Variants in LRRTM4 observed in about 807,000 individuals in gnomAD.
The protein encoded by LRRTM4 is leucine-rich repeat transmembrane neuronal protein 4.
LRRTM4 carries 25 observed loss-of-function variants against 47.6 expected under a neutral mutation model. That is an observed-to-expected ratio of 0.53 (90% CI 0.38 to 0.73). LRRTM4 has a LOEUF of 0.73. LRRTM4 is among the 30% of genes least tolerant of loss of function. The pLI is 0.00. For missense variants in LRRTM4, 638 were observed against 713.4 expected (o/e 0.89, Z 1.20); for synonymous variants, 311 against 269.5 (o/e 1.15, Z -1.51).
chr2:76,917,914 A>G (rs1444444006), intron 3 of LRRTM4, among the ~76,000 whole-genome samples: 6 of 151,994 alleles, frequency 3.9e-5, no homozygotes, highest in Non-Finnish European at 8.8e-5. Flanking sequence ...CTCTTTTTAT[A>G]GTGGTATGGG....
intron 3 of LRRTM4, among the ~76,000 whole-genome samples, chr2:76,763,658 G>A (rs1673345414): frequency 6.6e-6 from 1 of 152,192 alleles, no homozygotes; most frequent in Non-Finnish European, 1.5e-5. Flanking sequence ...CCAAGAAATA[G>A]CTAAAAATGT....
At chr2:76,905,716 C>A (rs1013084508) in intron 3 of LRRTM4, among the ~76,000 whole-genome samples, 1 of 148,546 alleles carries the variant, frequency 6.7e-6, no homozygotes, top group African/African-American at 2.5e-5. Context: ...CCTCAGGAGC[C>A]GATGCGATCA....
intron 3 of LRRTM4, among the ~76,000 whole-genome samples, chr2:76,874,365 T>C (rs903408393): frequency 2.0e-5 from 3 of 152,134 alleles, no homozygotes; most frequent in South Asian, 4.1e-4. Flanking sequence ...ATTCTATGGC[T>C]ATACTGTAAT....
At chr2:77,095,980 A>C (rs1195661421) in intron 3 of LRRTM4, among the ~76,000 whole-genome samples, 1 of 152,194 alleles carries the variant, frequency 6.6e-6, no homozygotes, top group Non-Finnish European at 1.5e-5. Flanking sequence ...AGTTAATAAT[A>C]ATGTATTCTA....
At chr2:77,342,127 A>T (rs1206480791) in intron 3 of LRRTM4, among the ~76,000 whole-genome samples, 1 of 151,952 alleles carries the variant, frequency 6.6e-6, no homozygotes, top group Non-Finnish European at 1.5e-5. Context: ...TCTGCTATGA[A>T]GTTATAGTAT....
At chr2:77,234,552 C>T (rs1317468828) in intron 3 of LRRTM4, among the ~76,000 whole-genome samples, 3 of 152,044 alleles carry the variant, frequency 2.0e-5, no homozygotes, top group Non-Finnish European at 2.9e-5. Context: ...TAATTATATG[C>T]TAAAATTTGT....
At chr2:77,118,679 T>G (rs1671451176) in intron 3 of LRRTM4, among the ~76,000 whole-genome samples, 1 of 151,864 alleles carries the variant, frequency 6.6e-6, no homozygotes, top group African/African-American at 2.4e-5. Flanking sequence ...GCAGCAAGCC[T>G]TAGAGATTAA....
intron 3 of LRRTM4, among the ~76,000 whole-genome samples, chr2:77,199,444 T>A (rs1241673241): frequency 6.6e-6 from 1 of 152,160 alleles, no homozygotes; most frequent in Admixed American, 6.6e-5. Context: ...TGCCCTCTTA[T>A]TGGTAGATTC....
chr2:77,033,933 G>A (rs968277804), intron 3 of LRRTM4, among the ~76,000 whole-genome samples: 2 of 151,720 alleles, frequency 1.3e-5, no homozygotes, highest in African/African-American at 2.4e-5. Flanking sequence ...CGAGCTGTAA[G>A]CAAAGGACCA....
At chr2:76,773,480 A>G (rs913663100) in intron 3 of LRRTM4, among the ~76,000 whole-genome samples, 1 of 152,344 alleles carries the variant, frequency 6.6e-6, no homozygotes, top group East Asian at 1.9e-4. Flanking sequence ...TGCAGTATAT[A>G]TGTGAAAAAG....
intron 3 of LRRTM4, among the ~76,000 whole-genome samples, chr2:77,119,779 A>T (rs1351404737): frequency 6.6e-6 from 1 of 151,840 alleles, no homozygotes; most frequent in Non-Finnish European, 1.5e-5. Context: ...ATATCACTAC[A>T]TATCACTATT....
chr2:77,214,192 G>T (rs1674374314), intron 3 of LRRTM4, among the ~76,000 whole-genome samples: 1 of 152,114 alleles, frequency 6.6e-6, no homozygotes. Context: ...ACATGCAAAT[G>T]AAGTCATAGA....
chr2:76,992,172 C>G lies in LRRTM4; in HGVS notation c.1552-243256G>C, dbSNP rs374793098. ...GAGCTATCTATGAAAAACCAACAGC[C>G]AACATCATAATGGGTGGGCAAATGC... is the stretch of plus-strand genomic sequence containing the variant. On this transcript the variant is annotated intron_variant, in intron 3 of 3. Transcript: ENST00000409884. 3.2e-4 allele frequency among the ~76,000 whole-genome samples: 49 copies of G among 151,828 alleles called. No homozygotes were observed. In the South Asian group the frequency reaches 8.9e-3, roughly 28 times the overall value.
intron 3 of LRRTM4, among the ~76,000 whole-genome samples, chr2:77,216,442 G>T (rs553887655): frequency 6.1e-5 from 9 of 148,490 alleles, no homozygotes; most frequent in African/African-American, 2.2e-4. Context: ...CGAGGTGGGC[G>T]GATCACGAGG....
intron 3 of LRRTM4, among the ~76,000 whole-genome samples, chr2:76,910,629 A>G (rs570260551): frequency 1.3e-5 from 2 of 152,190 alleles, no homozygotes; most frequent in South Asian, 4.1e-4. Flanking sequence ...CTAGTATTAA[A>G]TTTTTTATTC....
intron 3 of LRRTM4, among the ~76,000 whole-genome samples, chr2:77,137,440 C>T (rs1558599105): frequency 1.3e-5 from 2 of 151,848 alleles, no homozygotes; most frequent in South Asian, 2.1e-4. Context: ...ATTTTGTCAC[C>T]ACCAGGCCTG....
At chr2:77,124,563 G>A (rs1475608113) in intron 3 of LRRTM4, among the ~76,000 whole-genome samples, 1 of 152,038 alleles carries the variant, frequency 6.6e-6, no homozygotes, top group Non-Finnish European at 1.5e-5. Context: ...ATGTCTCTTG[G>A]TATCAAAGTC....
chr2:77,452,595 C>T (rs1206474401), intron 3 of LRRTM4, among the ~76,000 whole-genome samples: 1 of 152,226 alleles, frequency 6.6e-6, no homozygotes, highest in East Asian at 1.9e-4. Context: ...GCACGTGACA[C>T]AGGGTCCTGA....
Position 77,402,786 on chromosome 2 carries a change from G to A in LRRTM4, c.1551+115532C>T, listed in dbSNP as rs537119767. Among the ~76,000 whole-genome samples, 159 of 151,800 alleles carry A rather than the reference G, an allele frequency of 1.0e-3. 1 individual carries two copies. Among genetic ancestry groups the A allele is most frequent in the African/African-American group, 3.7e-3 (155 of 41,408 alleles). The stretch of plus-strand genomic sequence containing the variant: ...CCATCCTCAGCCCCTCAATTACTAT[G>A]TGATCTTGGTCACCCTTGGTTAACA... On this transcript the variant is annotated intron_variant, in intron 3 of 3. Transcript: ENST00000409884.
Sources: gnomAD v4.1 joint callset for allele counts (sites outside exome capture counted in the v4.1 genomes callset) on GRCh38, gnomAD v4.1.1 for gene constraint, MANE v1.5 for transcripts, NCBI Gene and HGNC (gene_info 2026-07-23, HGNC 2026-07-21) for gene names.